The following TDG variants were observed in gnomAD, a reference collection of about 807,000 sequenced individuals.
The protein encoded by TDG is G/T mismatch-specific thymine DNA glycosylase.
TDG carries 23 observed loss-of-function variants against 46.1 expected under a neutral mutation model. That is an observed-to-expected ratio of 0.50 (90% CI 0.36 to 0.71). The LOEUF is 0.71. Ranked by LOEUF, TDG falls within the 30% of genes least tolerant of loss-of-function variation. TDG has a pLI of 0.00. For synonymous variants in TDG, 115 were observed against 161.3 expected (o/e 0.71, Z 2.18); for missense variants, 304 against 486.7 (o/e 0.62, Z 3.53).
Position 103,988,492 on chromosome 12 carries a change from A to T in TDG, c.*1402A>T, listed in dbSNP as rs1223079889. On this transcript the variant is annotated 3_prime_UTR_variant, in exon 10 of 10. Transcript: ENST00000392872. ...AATGATGTACTGTACTGCTGTTTAC[A>T]TGGACGTTTTGTGCGGGTGCTTTGA... The T allele has an allele frequency of 6.5e-6, 1 of 152,764 alleles. No individual in the cohort carries two copies. Among genetic ancestry groups the T allele is most frequent in the African/African-American group, 2.4e-5 (1 of 41,490 alleles). 9.5% of individuals were successfully genotyped at this position (152,764 alleles called of 1,614,324 possible).
Sources: gnomAD v4.1 joint callset for allele counts on GRCh38, gnomAD v4.1.1 for gene constraint, MANE v1.5 for transcripts, NCBI Gene and HGNC (gene_info 2026-07-23, HGNC 2026-07-21) for gene names.